TMEM132D: variants seen among roughly 807,000 people sequenced by gnomAD.
TMEM132D encodes the protein transmembrane protein 132D.
TMEM132D carries 21 observed loss-of-function variants against 62.3 expected under a neutral mutation model. The ratio of observed to expected loss-of-function variants is 0.34; its 90% CI spans 0.24 to 0.49. The LOEUF (loss-of-function observed/expected upper bound fraction) is 0.49. TMEM132D is among the 20% of genes least tolerant of loss of function. The probability of loss-of-function intolerance (pLI) is 0.99; values close to 1 mark genes in which losing one functional copy is unlikely to be tolerated. For synonymous variants in TMEM132D, 621 were observed against 575.6 expected, an observed-to-expected ratio of 1.08 and a Z score of -1.13; for missense variants, 1,346 against 1,402.8, an observed-to-expected ratio of 0.96 and a Z score of 0.65.
chr12:129,468,185 T>TTGTGTGTGTGTG (rs34249925), intron 3 of TMEM132D, among the ~76,000 whole-genome samples: 3 of 151,024 alleles, frequency 2.0e-5, no homozygotes, highest in African/African-American at 7.3e-5. Flanking sequence ...ACACAAAGCT[T>TTGTGTGTGTGTG]TGTGTGTGTG....
intron 1 of TMEM132D, among the ~76,000 whole-genome samples, chr12:129,701,918 A>G (rs1175440624): frequency 6.6e-6 from 1 of 152,224 alleles, no homozygotes; most frequent in Non-Finnish European, 1.5e-5. Flanking sequence ...ATCCGCCAGC[A>G]GCTGAGAGAG....
intron 1 of TMEM132D, among the ~76,000 whole-genome samples, chr12:129,704,423 C>T (rs188503727): frequency 1.2e-3 from 176 of 152,348 alleles, no homozygotes; most frequent in Non-Finnish European, 2.0e-3. Context: ...GCATAGGGGG[C>T]GCCGCGCTGC....
rs1491179464 is a variant in TMEM132D, at chr12:129,798,712, GGA to G, written c.80-98016_80-98015del. Among the ~76,000 whole-genome samples, 10 of 146,154 alleles carry G rather than the reference GGA, an allele frequency of 6.8e-5. No homozygotes were observed. The Admixed American group carries it at 6.9e-4, about 10-fold the overall frequency. ...TGTGCAGAAGAGAGAAGGGGTGGAG[GGA>G]GATAAGACTGAGAAGGAAGTCAGGG... On this transcript the variant is annotated intron_variant, in intron 1 of 8. Transcript: ENST00000422113.
At chr12:129,248,477 C>G (rs1012744069) in intron 4 of TMEM132D, among the ~76,000 whole-genome samples, 1 of 152,072 alleles carries the variant, frequency 6.6e-6, no homozygotes, top group Non-Finnish European at 1.5e-5. Flanking sequence ...TGCTAGATCC[C>G]CTCAATTGCT....
intron 4 of TMEM132D, among the ~76,000 whole-genome samples, chr12:129,317,521 C>T (rs115805984): frequency 0.016 from 2,365 of 152,240 alleles, 69 homozygotes; most frequent in African/African-American, 0.054. Context: ...GCTGTTAATC[C>T]GATAGGATTT....
chr12:129,414,825 C>A (rs566508299), intron 3 of TMEM132D, among the ~76,000 whole-genome samples: 1 of 152,170 alleles, frequency 6.6e-6, no homozygotes, highest in Non-Finnish European at 1.5e-5. Context: ...CCCACCCCAC[C>A]GCCCAGTCTC....
intron 5 of TMEM132D, among the ~76,000 whole-genome samples, chr12:129,162,785 C>T (rs187141301): frequency 6.6e-6 from 1 of 152,342 alleles, no homozygotes; most frequent in African/African-American, 2.4e-5. Context: ...CAGAGCCATG[C>T]TTCCTGTACG....
chr12:129,515,532 A>G (rs1875647109), intron 3 of TMEM132D, among the ~76,000 whole-genome samples: 1 of 152,206 alleles, frequency 6.6e-6, no homozygotes, highest in Non-Finnish European at 1.5e-5. Flanking sequence ...AACTTTGGCG[A>G]TTGGGAATAC....
chr12:129,689,549 C>T (rs1881013745), intron 2 of TMEM132D, among the ~76,000 whole-genome samples: 1 of 152,178 alleles, frequency 6.6e-6, no homozygotes, highest in Non-Finnish European at 1.5e-5. Context: ...CTTCCAGTCA[C>T]ATTTCACACA....
intron 6 of TMEM132D, among the ~76,000 whole-genome samples, chr12:129,083,577 C>T (rs909113549): frequency 3.3e-5 from 5 of 152,176 alleles, no homozygotes; most frequent in Admixed American, 2.0e-4. Context: ...CCACAGCCTT[C>T]GTCCTTGAAG....
chr12:129,576,849 G>A (rs988550968), intron 2 of TMEM132D, among the ~76,000 whole-genome samples: 1 of 151,838 alleles, frequency 6.6e-6, no homozygotes, highest in Non-Finnish European at 1.5e-5. Context: ...AAAAGAGAAC[G>A]CTCGGAAAAT....
intron 4 of TMEM132D, among the ~76,000 whole-genome samples, chr12:129,216,902 C>T (rs1301799124): frequency 6.6e-6 from 1 of 152,142 alleles, no homozygotes; most frequent in Non-Finnish European, 1.5e-5. Context: ...AAGGGGACCG[C>T]CTCATGATTT....
intron 4 of TMEM132D, among the ~76,000 whole-genome samples, chr12:129,305,518 C>A (rs190851712): frequency 6.6e-6 from 1 of 152,266 alleles, no homozygotes. Context: ...AAAAACCCCA[C>A]ATGAAATTAG....
chr12:129,643,158 C>T (rs532938939), intron 2 of TMEM132D, among the ~76,000 whole-genome samples: 5 of 152,050 alleles, frequency 3.3e-5, no homozygotes, highest in African/African-American at 4.8e-5. Flanking sequence ...CTCCTGACCT[C>T]GTGATCCACC....
At chr12:129,736,879 G>A (rs1452147350) in intron 1 of TMEM132D, among the ~76,000 whole-genome samples, 2 of 147,974 alleles carry the variant, frequency 1.4e-5, no homozygotes, top group African/African-American at 5.0e-5. Flanking sequence ...GTGCAATGGT[G>A]CAGTCTTGGC....
At chr12:129,706,715 CAAT>C (rs1593128316) in intron 1 of TMEM132D, among the ~76,000 whole-genome samples, 4 of 151,548 alleles carry the variant, frequency 2.6e-5, no homozygotes, top group Non-Finnish European at 4.4e-5. Context: ...TACAAGGAGA[CAAT>C]AATAATAATA....
At chr12:129,611,846 C>A (rs921931771) in intron 2 of TMEM132D, among the ~76,000 whole-genome samples, 1 of 151,994 alleles carries the variant, frequency 6.6e-6, no homozygotes. Context: ...TGAGCATAAA[C>A]CCTCAGCAAA....
intron 3 of TMEM132D, among the ~76,000 whole-genome samples, chr12:129,444,251 T>C (rs1204071795): frequency 6.6e-6 from 1 of 151,978 alleles, no homozygotes; most frequent in Non-Finnish European, 1.5e-5. Flanking sequence ...AAAGCAAAAA[T>C]TGACAAATGG....
At position 129,463,438 on chromosome 12, in the gene TMEM132D, C is replaced by CTATTTATT. The variant is rs34072279; in HGVS notation, c.1115+67613_1115+67620dup. Among the ~76,000 whole-genome samples the CTATTTATT allele has an allele frequency of 4.5e-3, 660 of 146,088 alleles. 6 individuals carry two copies. The highest frequency in any genetic ancestry group is 0.014 in the African/African-American group (542 of 40,050). On this transcript the variant is annotated intron_variant, in intron 3 of 8. Coordinates refer to ENST00000422113, the MANE Select transcript of TMEM132D (RefSeq NM_133448.3). The stretch of plus-strand genomic sequence containing the variant: ...CAGCCTGTGTCCTGGGATCCCTGTC[C>CTATTTATT]TATTTATTTATTTATTTATTTATTT...
Sources: allele counts gnomAD v4.1 joint callset (sites outside exome capture counted in the v4.1 genomes callset), GRCh38; gene constraint gnomAD v4.1.1; transcripts MANE v1.5; gene names NCBI Gene and HGNC (gene_info 2026-07-23, HGNC 2026-07-21).